ZC3H12D: variants seen among roughly 807,000 people sequenced by gnomAD.
ZC3H12D encodes probable ribonuclease ZC3H12D.
A neutral mutation model predicts 24.2 loss-of-function variants in ZC3H12D; 11 were observed. That is an observed-to-expected ratio of 0.46 (90% CI 0.29 to 0.75). The LOEUF (loss-of-function observed/expected upper bound fraction) is 0.75. ZC3H12D is among the 30% of genes least tolerant of loss of function. The pLI, the probability that ZC3H12D is intolerant of heterozygous loss-of-function variation, is 0.11. For synonymous variants in ZC3H12D, 333 were observed against 341.8 expected (o/e 0.97, Z 0.28); for missense variants, 740 against 767.7 (o/e 0.96, Z 0.43).
Position 149,452,357 on chromosome 6 carries a change from G to A in ZC3H12D, c.787+259C>T. ...TTGTGTCCAGGCTCCCGGCTTCTCA[G>A]ACACAGCTTTGCTGTGTGCATGACC... On this transcript the variant is annotated intron_variant, in intron 5 of 5. Transcript: ENST00000409806. This position sits in a 1 kb window ranked among gnomAD's most constrained non-coding sequence, Gnocchi z 4.0. 1.3e-5 allele frequency: 5 copies of A among 389,864 alleles called. No homozygotes were observed. The East Asian group carries it at 2.0e-4, about 15-fold the overall frequency. The allele number at this position is 389,864 out of a possible 1,614,324, so 24.2% of individuals were successfully genotyped here.
rs1278212908 is a variant in ZC3H12D at position 149,456,958 on chromosome 6, C to G, written c.446-58G>C. The G allele has an allele frequency of 2.0e-6, 3 of 1,537,146 alleles. No individual in the cohort carries two copies. The South Asian group carries it at 3.4e-5, about 18-fold the overall frequency. The stretch of plus-strand genomic sequence containing the variant: ...GCCCAAGGGCACCGCCCCTGAGAAC[C>G]ACCCCCAACGCGAGGCCACCCGCTT... On this transcript the variant is annotated intron_variant, in intron 3 of 5. Transcript: ENST00000409806. This position sits in a 1 kb window ranked among gnomAD's most constrained non-coding sequence, Gnocchi z 4.3.
chr6:149,451,857 G>C (rs545658961), intron 5 of ZC3H12D, among the ~76,000 whole-genome samples: 1 of 152,364 alleles, frequency 6.6e-6, no homozygotes, highest in South Asian at 2.1e-4. Context: ...GCCAGGCTTA[G>C]GGAGCGGGCG....
At chr6:149,454,054 G>C (rs1775941730) in intron 4 of ZC3H12D, among the ~76,000 whole-genome samples, 1 of 152,184 alleles carries the variant, frequency 6.6e-6, no homozygotes, top group Non-Finnish European at 1.5e-5. Flanking sequence ...GTGGATCCCA[G>C]GTGCTGCCTG....
chr6:149,451,748 A>G (rs890358029), intron 5 of ZC3H12D, among the ~76,000 whole-genome samples: 2 of 152,214 alleles, frequency 1.3e-5, no homozygotes, highest in Non-Finnish European at 2.9e-5. Flanking sequence ...GGGTATGCAG[A>G]GGAGTGTCGT....
At chr6:149,481,243 G>C (rs769600069) in intron 1 of ZC3H12D, among the ~76,000 whole-genome samples, 5 of 151,456 alleles carry the variant, frequency 3.3e-5, no homozygotes, top group Non-Finnish European at 7.4e-5. Flanking sequence ...GTTTTAATTT[G>C]GAAGAAAAAG....
In ZC3H12D at chr6:149,454,824, G is replaced by C. The variant is rs142058109; in HGVS notation, c.680+1842C>G. Among the ~76,000 whole-genome samples the C allele has an allele frequency of 4.9e-3, 740 of 152,360 alleles. 7 individuals carry two copies. The highest frequency in any genetic ancestry group is 0.017 in the African/African-American group (697 of 41,582). On this transcript the variant is annotated intron_variant, in intron 4 of 5. Coordinates refer to ENST00000409806, the MANE Select transcript of ZC3H12D (RefSeq NM_207360.3). The stretch of plus-strand genomic sequence containing the variant: ...AGCCAGATTCCTCCAGGCTACAGAC[G>C]GACAGTGAGAGCCGCTGGCCTTTTG...
rs753004263 is a variant in ZC3H12D, at chr6:149,448,496, T to C, written c.*2187A>G. 3 of 152,108 alleles carry C rather than the reference T, an allele frequency of 2.0e-5. No individual in the cohort carries two copies. Among genetic ancestry groups the C allele is most frequent in the African/African-American group, 2.4e-5 (1 of 41,476 alleles). The allele number at this position is 152,108 out of a possible 1,614,324, so 9.4% of individuals were successfully genotyped here. On this transcript the variant is annotated 3_prime_UTR_variant, in exon 6 of 6. Coordinates refer to ENST00000409806, the MANE Select transcript of ZC3H12D (RefSeq NM_207360.3). ...AAGTCAAAGCTGCAGTGAGCCCTGA[T>C]TGCACTACTGCACTCCAGCCTGGGT...
chr6:149,474,673 G>A (rs1776303567), intron 1 of ZC3H12D, 60 bp from the exon 2 acceptor site: 3 of 862,206 alleles, frequency 3.5e-6, no homozygotes, highest in Admixed American at 7.2e-5. Flanking sequence ...GCAAGGGCAA[G>A]GTGTGCCTGC....
At chr6:149,478,891 C>T (rs1047128770) in intron 1 of ZC3H12D, among the ~76,000 whole-genome samples, 2 of 152,016 alleles carry the variant, frequency 1.3e-5, no homozygotes, top group Non-Finnish European at 1.5e-5. Flanking sequence ...GGATCATGTT[C>T]GCCACCTGCT....
In ZC3H12D at chr6:149,463,449, G is replaced by A. The variant is rs191310593; in HGVS notation, c.306-1479C>T. On this transcript the variant is annotated intron_variant, in intron 2 of 5. Transcript: ENST00000409806. ...TCTGAGGCCGGGCGTGGTGGCTCAC[G>A]CCTGTAATCCCAGAACTTTGTGAGG... Among the ~76,000 whole-genome samples, 20 of 152,348 alleles carry A rather than the reference G, an allele frequency of 1.3e-4. No individual in the cohort carries two copies. In the East Asian group the frequency reaches 2.5e-3, roughly 19 times the overall value.
rs114060907 is a variant in ZC3H12D at position 149,474,323 on chromosome 6, G to A, written c.221C>T (p.Pro74Leu). Residue 74 changes from proline (P) to leucine (L), a missense_variant, in exon 2 of 6, where the codon CCG becomes CTG. Physicochemically the swap from Pro to Leu is moderately conservative, Grantham distance 98. Transcript: ENST00000409806. ...GAAGTCCTCTTCCAGGGCTGTCCCC[G>A]GGCCACGCTGGGCAGAGTCCGGGAC... Reference protein sequence around the residue: ...CGVPDSAQRGPGTALEEDFRT... With the variant: ...CGVPDSAQRGLGTALEEDFRT... The A allele has an allele frequency of 1.9e-3, 2,982 of 1,594,070 alleles. 48 individuals are homozygous for A. In the African/African-American group the frequency reaches 0.036, roughly 19 times the overall value.
At chr6:149,482,382 T>G (rs953045572) in intron 1 of ZC3H12D, among the ~76,000 whole-genome samples, 14 of 152,364 alleles carry the variant, frequency 9.2e-5, no homozygotes, top group African/African-American at 3.1e-4. Flanking sequence ...CCTGAAAATC[T>G]GAACGACTTC....
intron 2 of ZC3H12D, among the ~76,000 whole-genome samples, chr6:149,464,149 G>A (rs1231458970): frequency 6.6e-6 from 1 of 152,222 alleles, no homozygotes; most frequent in Admixed American, 6.5e-5. Context: ...CGACTTCGCA[G>A]CTGGTTATAG....
At chr6:149,454,299 C>T (rs191377229) in intron 4 of ZC3H12D, among the ~76,000 whole-genome samples, 1 of 152,208 alleles carries the variant, frequency 6.6e-6, no homozygotes, top group African/African-American at 2.4e-5. Flanking sequence ...TACTTTTGTT[C>T]CCAAGGCCAC....
rs1390782681 is a variant in ZC3H12D at position 149,447,176 on chromosome 6, C to T, written c.*3507G>A. 6.6e-6 allele frequency: 1 copy of T among 152,230 alleles called. No individual in the cohort carries two copies. Among genetic ancestry groups the T allele is most frequent in the Non-Finnish European group, 1.5e-5 (1 of 68,070 alleles). The allele number at this position is 152,230 out of a possible 1,614,324, so 9.4% of individuals were successfully genotyped here. On this transcript the variant is annotated 3_prime_UTR_variant, in exon 6 of 6. Coordinates refer to ENST00000409806, the MANE Select transcript of ZC3H12D (RefSeq NM_207360.3). ...AAAGGTGGATTTGAGCCCCTCACAT[C>T]CCCCCAGGTGGAACAACACAGAACT...
intron 1 of ZC3H12D, among the ~76,000 whole-genome samples, chr6:149,483,897 C>T (rs1412430213): frequency 6.6e-6 from 1 of 152,210 alleles, no homozygotes; most frequent in Non-Finnish European, 1.5e-5. Flanking sequence ...TGTATGTATA[C>T]ACCACATCAC....
At chr6:149,462,931 C>T (rs1341052533) in intron 2 of ZC3H12D, among the ~76,000 whole-genome samples, 2 of 152,182 alleles carry the variant, frequency 1.3e-5, no homozygotes, top group African/African-American at 2.4e-5. Flanking sequence ...GGACTGGCTT[C>T]CTTGCTCCTC....
At chr6:149,475,784 G>A (rs539648725) in intron 1 of ZC3H12D, among the ~76,000 whole-genome samples, 121 of 56,188 alleles carry the variant, frequency 2.2e-3, no homozygotes, top group Middle Eastern at 5.8e-3. Context: ...GACCTACACC[G>A]GGGGTTGGGG....
chr6:149,473,134 G>GA (rs34279229), intron 2 of ZC3H12D, among the ~76,000 whole-genome samples: 1,382 of 46,036 alleles, frequency 0.03, 11 homozygotes, highest in Non-Finnish European at 0.041. Context: ...GGTTAAAAGT[G>GA]AAAAAAAAAA....
Sources: gnomAD v4.1 joint callset for allele counts (sites outside exome capture counted in the v4.1 genomes callset) on GRCh38, gnomAD v4.1.1 for gene constraint, Gnocchi (gnomAD v3.1) non-coding constraint, MANE v1.5 for transcripts, NCBI Gene and HGNC (gene_info 2026-07-23, HGNC 2026-07-21) for gene names.